The following MATCAP2 variants were observed in gnomAD, a reference collection of about 807,000 sequenced individuals.
MATCAP2 encodes putative tyrosine carboxypeptidase MATCAP2.
At chr7:36,336,061 A>T in the MATCAP2 span, 1 of 950,478 alleles carries the variant, frequency 1.1e-6, no homozygotes, top group Non-Finnish European at 1.4e-6. Context: ...ACAGAGCGAG[A>T]CTCCATTTCA....
At chr7:36,356,040 A>G in the MATCAP2 span, 1 of 152,322 alleles carries the variant, frequency 6.6e-6, no homozygotes, top group South Asian at 2.1e-4. Flanking sequence ...CATTATTTTT[A>G]TCTTTGAATA....
the MATCAP2 span, among the ~76,000 whole-genome samples, chr7:36,359,256 G>A: frequency 6.6e-6 from 1 of 152,234 alleles, no homozygotes; most frequent in African/African-American, 2.4e-5. Context: ...CTGGGGAGAG[G>A]GTATTGACAT....
At chr7:36,379,619 T>C in the MATCAP2 span, among the ~76,000 whole-genome samples, 1 of 152,096 alleles carries the variant, frequency 6.6e-6, no homozygotes, top group Non-Finnish European at 1.5e-5. Context: ...TATGTGAATA[T>C]GTACAGTCGT....
the MATCAP2 span, among the ~76,000 whole-genome samples, chr7:36,380,591 A>G: frequency 2.0e-4 from 31 of 152,330 alleles, no homozygotes; most frequent in African/African-American, 7.0e-4. Flanking sequence ...AGTGAGGCTT[A>G]AAGGAGGATG....
At chr7:36,365,175 T>C in the MATCAP2 span, among the ~76,000 whole-genome samples, 1 of 152,342 alleles carries the variant, frequency 6.6e-6, no homozygotes, top group Non-Finnish European at 1.5e-5. Context: ...TTTATTTGTA[T>C]CTCTACAATG....
At chr7:36,360,096 T>A in the MATCAP2 span, among the ~76,000 whole-genome samples, 1 of 152,206 alleles carries the variant, frequency 6.6e-6, no homozygotes, top group Admixed American at 6.5e-5. Context: ...TAAATAAGAC[T>A]ACTCTGAAGA....
the MATCAP2 span, among the ~76,000 whole-genome samples, chr7:36,328,239 T>TGGGGGGGGGGGGG: frequency 7.9e-5 from 2 of 25,236 alleles, no homozygotes; most frequent in African/African-American, 2.1e-4. Context: ...TTTGTTTTTG[T>TGGGGGGGGGGGGG]AGGGGGGGGG....
the MATCAP2 span, among the ~76,000 whole-genome samples, chr7:36,388,731 A>G: frequency 2.6e-5 from 4 of 152,220 alleles, no homozygotes; most frequent in South Asian, 2.1e-4. Context: ...AGCTGAGAAC[A>G]GGGTTTTCAT....
At chr7:36,383,786 C>G in the MATCAP2 span, 1 of 996,432 alleles carries the variant, frequency 1.0e-6, no homozygotes, top group Non-Finnish European at 1.5e-6. Context: ...ACGTTCTGCA[C>G]ATGTACTCCA....
At chr7:36,364,460 A>G in the MATCAP2 span, among the ~76,000 whole-genome samples, 39,031 of 152,068 alleles carry the variant, frequency 0.26, 5,797 homozygotes, top group South Asian at 0.36. Flanking sequence ...ATTTTTAAAC[A>G]GCATAGATAG....
the MATCAP2 span, among the ~76,000 whole-genome samples, chr7:36,386,196 A>T: frequency 6.6e-6 from 1 of 152,152 alleles, no homozygotes; most frequent in African/African-American, 2.4e-5. Flanking sequence ...TAAAAGTGGC[A>T]TTACAGGTCA....
the MATCAP2 span, among the ~76,000 whole-genome samples, chr7:36,378,023 T>C: frequency 6.6e-6 from 1 of 152,208 alleles, no homozygotes. Flanking sequence ...TCAAGGTTTT[T>C]AGCTTCCTTG....
the MATCAP2 span, among the ~76,000 whole-genome samples, chr7:36,343,189 A>C: frequency 2.7e-5 from 4 of 150,018 alleles, no homozygotes; most frequent in African/African-American, 7.4e-5. Flanking sequence ...TAAAACCAAT[A>C]ATAATCTTCA....
chr7:36,357,103 A>T, the MATCAP2 span: 1 of 1,614,236 alleles, frequency 6.2e-7, no homozygotes, highest in South Asian at 1.1e-5. Context: ...CAAAGCTTCT[A>T]GACAGCTGAG....
the MATCAP2 span, among the ~76,000 whole-genome samples, chr7:36,382,163 C>T: frequency 6.6e-6 from 1 of 151,378 alleles, no homozygotes; most frequent in East Asian, 2.0e-4. Context: ...AAAAATTAGC[C>T]GGGCATGGTG....
chr7:36,335,563 A>G, the MATCAP2 span, among the ~76,000 whole-genome samples: 1 of 152,390 alleles, frequency 6.6e-6, no homozygotes, highest in African/African-American at 2.4e-5. Flanking sequence ...AAGACTAATA[A>G]GAGAGGCTTC....
chr7:36,343,815 A>G, the MATCAP2 span, among the ~76,000 whole-genome samples: 1 of 152,002 alleles, frequency 6.6e-6, no homozygotes, highest in Non-Finnish European at 1.5e-5. Context: ...GCATATGGCT[A>G]ATATGAAGTC....
chr7:36,326,999 A>G, the MATCAP2 span: 1 of 1,259,824 alleles, frequency 7.9e-7, no homozygotes, highest in Non-Finnish European at 1.1e-6. Context: ...CTGGGCCTTA[A>G]ATGAAAGTAT....
the MATCAP2 span, among the ~76,000 whole-genome samples, chr7:36,374,037 A>T: frequency 6.6e-6 from 1 of 151,878 alleles, no homozygotes; most frequent in African/African-American, 2.4e-5. Flanking sequence ...CTCCCAAAGT[A>T]CTGGGATTAC....
Sources: allele counts gnomAD v4.1 joint callset (sites outside exome capture counted in the v4.1 genomes callset), GRCh38; gene constraint gnomAD v4.1.1; transcripts MANE v1.5; gene names NCBI Gene and HGNC (gene_info 2026-07-23, HGNC 2026-07-21).